Variants in LHX4 observed in about 807,000 individuals in gnomAD.
LHX4 encodes the protein LIM homeobox 4.
A neutral mutation model predicts 39.2 loss-of-function variants in LHX4; 16 were observed. The ratio of observed to expected loss-of-function variants is 0.41; its 90% CI spans 0.28 to 0.62. The LOEUF is 0.62. Ranked by LOEUF, LHX4 falls within the 20% of genes least tolerant of loss-of-function variation. The probability of loss-of-function intolerance (pLI) is 0.33; values close to 1 mark genes in which losing one functional copy is unlikely to be tolerated. For synonymous variants in LHX4, 206 were observed against 198.1 expected (o/e 1.04, Z -0.33); for missense variants, 439 against 511.9 (o/e 0.86, Z 1.37).
chr1:180,268,000 G>T (rs1262325752), intron 3 of LHX4, among the ~76,000 whole-genome samples: 1 of 152,116 alleles, frequency 6.6e-6, no homozygotes, highest in African/African-American at 2.4e-5. Context: ...GGCCTTTCAG[G>T]GTGGACAGAG....
At chr1:180,245,911 G>C (rs1476083879) in intron 1 of LHX4, among the ~76,000 whole-genome samples, 1 of 152,048 alleles carries the variant, frequency 6.6e-6, no homozygotes, top group East Asian at 1.9e-4. Context: ...CCCTGTGGCC[G>C]TCATTGTTCA....
chr1:180,228,484 C>A (rs1194857866), upstream of LHX4, among the ~76,000 whole-genome samples: 3 of 152,162 alleles, frequency 2.0e-5, no homozygotes, highest in East Asian at 5.8e-4. Flanking sequence ...AAGCTGTGCA[C>A]GTGTTGTTTT....
At chr1:180,270,835 C>T (rs1036302342) in intron 3 of LHX4, 2 of 186,880 alleles carry the variant, frequency 1.1e-5, no homozygotes, top group Non-Finnish European at 2.3e-5. Flanking sequence ...GGGTTCTGAC[C>T]TATAGTTTAG....
At chr1:180,272,134 A>AAGAC in intron 5 of LHX4, 128 bp downstream of exon 5, 1 of 812,156 alleles carries the variant, frequency 1.2e-6, no homozygotes, top group African/African-American at 1.7e-5. Flanking sequence ...GCTTTTCCTT[A>AAGAC]AGACTTGCAG....
chr1:180,259,554 G>A (rs1282785080), intron 2 of LHX4, among the ~76,000 whole-genome samples: 1 of 151,760 alleles, frequency 6.6e-6, no homozygotes, highest in Non-Finnish European at 1.5e-5. Context: ...ATGGGAAATG[G>A]GAGGGCGCCA....
At chr1:180,247,442 TG>T (rs1647432992) in intron 1 of LHX4, among the ~76,000 whole-genome samples, 1 of 152,220 alleles carries the variant, frequency 6.6e-6, no homozygotes, top group South Asian at 2.1e-4. Context: ...CTGCTGTGAC[TG>T]ATCAGGACAG....
intron 2 of LHX4, among the ~76,000 whole-genome samples, chr1:180,265,845 C>G (rs1558220173): frequency 6.6e-6 from 1 of 152,282 alleles, no homozygotes; most frequent in East Asian, 1.9e-4. Flanking sequence ...GAGAGAACAG[C>G]TGTCAGGACA....
rs59623342 is a variant in LHX4, at chr1:180,274,709, C to T, written c.*130C>T. 1.5e-3 allele frequency: 1,661 copies of T among 1,121,848 alleles called. 17 individuals carry two copies. In the African/African-American group the frequency reaches 0.022, roughly 15 times the overall value. 69.5% of individuals were successfully genotyped at this position (1,121,848 alleles called of 1,614,324 possible). A position where few individuals can be genotyped will look rare whatever the true frequency, so the allele number is the denominator to read the frequency against. On this transcript the variant is annotated 3_prime_UTR_variant, in exon 6 of 6. Transcript: ENST00000263726. ...TCCATTATTTTCAATGGAAGTCCTC[C>T]GCTGATTCCTAGAAGGCTGTGAGAC...
intron 2 of LHX4, among the ~76,000 whole-genome samples, chr1:180,250,960 G>T (rs561615909): frequency 6.6e-6 from 1 of 152,328 alleles, no homozygotes; most frequent in East Asian, 1.9e-4. Context: ...CTTGCCCCTG[G>T]CTCCACTGCC....
chr1:180,235,605 G>C (rs1370605592), intron 1 of LHX4, among the ~76,000 whole-genome samples: 1 of 152,230 alleles, frequency 6.6e-6, no homozygotes, highest in African/African-American at 2.4e-5. Flanking sequence ...CGCGTTCTGC[G>C]GGTGTTCGAG....
rs992694823 is a variant in LHX4 at position 180,230,962 on chromosome 1, T to A, written c.76+357T>A. 1.3e-5 allele frequency among the ~76,000 whole-genome samples: 2 copies of A among 152,108 alleles called. No individual in the cohort carries two copies. Among genetic ancestry groups the A allele is most frequent in the African/African-American group, 4.8e-5 (2 of 41,404 alleles). ...GAGGGTGGTCCCCACAAATCTTCTTTCGCCGGCGTGACGGTCAGCGCTTGC... is the reference window on the plus strand; with the variant it reads ...GAGGGTGGTCCCCACAAATCTTCTTACGCCGGCGTGACGGTCAGCGCTTGC... On this transcript the variant is annotated intron_variant, in intron 1 of 5. Coordinates refer to ENST00000263726, the MANE Select transcript of LHX4 (RefSeq NM_033343.4). The surrounding 1 kb of genome is among the most constrained non-coding windows in gnomAD (Gnocchi z 5.8).
At chr1:180,241,008 C>A (rs561959938) in intron 1 of LHX4, among the ~76,000 whole-genome samples, 2 of 152,282 alleles carry the variant, frequency 1.3e-5, no homozygotes, top group South Asian at 4.1e-4. Context: ...GTCTCTTTTC[C>A]TTTGGGCATT....
intron 1 of LHX4, among the ~76,000 whole-genome samples, chr1:180,244,924 C>A (rs1345131986): frequency 6.6e-6 from 1 of 151,680 alleles, no homozygotes; most frequent in African/African-American, 2.4e-5. Context: ...GCCCTCCCTG[C>A]ACAGCTGTGC....
chr1:180,246,562 G>A (rs1443581226), intron 1 of LHX4, among the ~76,000 whole-genome samples: 1 of 152,024 alleles, frequency 6.6e-6, no homozygotes, highest in African/African-American at 2.4e-5. Context: ...AATACAAAAA[G>A]TAGCCGGGTG....
chr1:180,271,781 C>A, intron 4 of LHX4, 54 bp from the exon 5 acceptor site: 2 of 1,602,910 alleles, frequency 1.2e-6, no homozygotes, highest in South Asian at 1.1e-5. Context: ...GTCCTGGGGG[C>A]TTTGGGTTTG....
Position 180,266,639 on chromosome 1 carries a change from T to A in LHX4, c.451+45T>A. ...ATGGTCCCCTCTCCAGGCCTTTGTTTGGGCCACGCCCTCTGCCTGAGGTGC... is the reference window on the plus strand; with the variant it reads ...ATGGTCCCCTCTCCAGGCCTTTGTTAGGGCCACGCCCTCTGCCTGAGGTGC... On this transcript the variant is annotated intron_variant, in intron 3 of 5. Coordinates refer to ENST00000263726, the MANE Select transcript of LHX4 (RefSeq NM_033343.4). This position sits in a 1 kb window ranked among gnomAD's most constrained non-coding sequence, Gnocchi z 5.7. The A allele has an allele frequency of 6.3e-7, 1 of 1,585,800 alleles. No homozygotes were observed. The highest frequency in any genetic ancestry group is 1.1e-5 in the South Asian group (1 of 88,982).
intron 4 of LHX4, 35 bp downstream of exon 4, chr1:180,271,569 CCCAGGCCCGGGACA>C: frequency 4.3e-6 from 7 of 1,611,888 alleles, no homozygotes; most frequent in Non-Finnish European, 5.9e-6. Context: ...CTCCGGGGAT[CCCAGGCCCGGGACA>C]GGGGTGGAAG....
At chr1:180,261,354 A>T (rs996070276) in intron 2 of LHX4, among the ~76,000 whole-genome samples, 4 of 145,568 alleles carry the variant, frequency 2.7e-5, no homozygotes, top group African/African-American at 1.0e-4. Flanking sequence ...AGCAGAGGGG[A>T]AGCTAATGAC....
chr1:180,249,057 C>T (rs34014531), intron 2 of LHX4, among the ~76,000 whole-genome samples: 2,032 of 152,328 alleles, frequency 0.013, 25 homozygotes, highest in Non-Finnish European at 0.019. Context: ...TGCCTGTATT[C>T]GAACCCACTT....
Sources: allele counts gnomAD v4.1 joint callset (sites outside exome capture counted in the v4.1 genomes callset), GRCh38; gene constraint gnomAD v4.1.1; non-coding constraint Gnocchi (gnomAD v3.1); transcripts MANE v1.5; gene names NCBI Gene and HGNC (gene_info 2026-07-23, HGNC 2026-07-21).